The following A2M variants were observed in gnomAD, a reference collection of about 807,000 sequenced individuals.
A2M encodes C3 and PZP-like alpha-2-macroglobulin domain-containing protein 5.
A neutral mutation model predicts 183.9 loss-of-function variants in A2M; 128 were observed. The observed-to-expected ratio is 0.70, with a 90% CI of 0.60 to 0.81. The LOEUF is 0.81. Ranked by LOEUF, A2M falls within the 30% of genes least tolerant of loss-of-function variation. A2M has a pLI of 0.00. For missense variants in A2M, 1,495 were observed against 1,787.6 expected, an observed-to-expected ratio of 0.84 and a Z score of 2.95; for synonymous variants, 592 against 670.8, an observed-to-expected ratio of 0.88 and a Z score of 1.81.
At chr12:9,104,011 G>A (rs915566141) in intron 11 of A2M, among the ~76,000 whole-genome samples, 12 of 152,090 alleles carry the variant, frequency 7.9e-5, no homozygotes, top group African/African-American at 1.7e-4. Flanking sequence ...TAGTGGCTCC[G>A]CCATTTTACG....
Position 9,091,207 on chromosome 12 carries a change from G to A in A2M, c.2463C>T (p.Cys821=), listed in dbSNP as rs745420167. The A allele has an allele frequency of 6.2e-7, 1 of 1,613,502 alleles. No homozygotes were observed. Among genetic ancestry groups the A allele is most frequent in the Admixed American group, 1.7e-5 (1 of 60,022 alleles). ...TTAGGAAAGAGATCCTTACCCGGAT[G>A]CATTTGGGAAGGTAGTTTAGGACCG... ...KATVLNYLPK[C]IRVSVQLEAS... is the part of the protein sequence containing the mutation. The change falls in exon 19 of 36, where the codon TGC becomes TGT. Residue 821 remains cysteine (C), a synonymous_variant. Transcript: ENST00000318602.
intron 15 of A2M, among the ~76,000 whole-genome samples, chr12:9,096,387 G>T (rs185597106): frequency 4.7e-4 from 72 of 152,262 alleles, no homozygotes; most frequent in Non-Finnish European, 8.5e-4. Context: ...AGAAGGAAAT[G>T]ATAGTTTTGT....
chr12:9,095,551 G>A lies in A2M; in HGVS notation c.2001C>T (p.Tyr667=). ...PVSSTNEKDM[Y]SFLEDMGLKA... is the part of the protein sequence containing the mutation. ...ATAAGGAGTTTACCTCTAGGAAGCT[G>A]TACATATCCTTTTCATTTGTACTTG... Residue 667 remains tyrosine (Y), a synonymous_variant, in exon 16 of 36, where the codon TAC becomes TAT. Coordinates refer to ENST00000318602, the MANE Select transcript of A2M (RefSeq NM_000014.6). 1.3e-5 allele frequency: 21 copies of A among 1,611,736 alleles called. No individual in the cohort carries two copies. The highest frequency in any genetic ancestry group is 1.8e-5 in the Non-Finnish European group (21 of 1,178,248).
chr12:9,074,680 C>A lies in A2M; in HGVS notation c.3636G>T (p.Val1212=). ...PSAEVEMTSY[V]LLAYLTAQPA... is the part of the protein sequence containing the mutation. ...GCTGGGCCGTGAGATAAGCGAGGAGCACATAGGATGTCATCTCCACCTCAG... is the reference window on the plus strand; with the variant it reads ...GCTGGGCCGTGAGATAAGCGAGGAGAACATAGGATGTCATCTCCACCTCAG... The change falls in exon 29 of 36, where the codon GTG becomes GTT. Residue 1212 remains valine (V), a synonymous_variant. Transcript: ENST00000318602. The A allele has an allele frequency of 6.2e-7, 1 of 1,613,948 alleles. No homozygotes were observed. The highest frequency in any genetic ancestry group is 8.5e-7 in the Non-Finnish European group (1 of 1,179,966).
At chr12:9,094,887 T>C (rs1451783132) in intron 17 of A2M, 86 bp downstream of exon 17, 1 of 658,566 alleles carries the variant, frequency 1.5e-6, no homozygotes, top group Non-Finnish European at 2.3e-6. Flanking sequence ...TTTTTGTTTG[T>C]TAATTTTTGT....
Position 9,113,456 on chromosome 12 carries a change from C to T in A2M, c.174G>A (p.Val58=), listed in dbSNP as rs2137991418. 1 of 1,613,932 alleles carries T rather than the reference C, an allele frequency of 6.2e-7. No individual in the cohort carries two copies. Among genetic ancestry groups the T allele is most frequent in the South Asian group, 1.1e-5 (1 of 91,052 alleles). The change falls in exon 2 of 36, where the codon GTG becomes GTA. Residue 58 remains valine (V), a synonymous_variant. Coordinates refer to ENST00000318602, the MANE Select transcript of A2M (RefSeq NM_000014.6). The part of the protein sequence containing the change: ...CVLLSYLNET[V]TVSASLESVR... ...CAGACTCCAAGGAAGCACTTACAGTCACTGTCTCATTCAGGTAGCTCAGAA... is the reference window on the plus strand; with the variant it reads ...CAGACTCCAAGGAAGCACTTACAGTTACTGTCTCATTCAGGTAGCTCAGAA...
At chr12:9,067,918 G>A (rs1041466676) in intron 35 of A2M, 79 bp from the exon 36 acceptor site, 5 of 1,350,458 alleles carry the variant, frequency 3.7e-6, no homozygotes, top group South Asian at 3.7e-5. Context: ...TTAGTTCTGG[G>A]TAGCATAGTG....
chr12:9,070,564 C>T lies in A2M; in HGVS notation c.4118G>A (p.Arg1373His), dbSNP rs201692842. The T allele has an allele frequency of 3.4e-5, 55 of 1,613,032 alleles. No homozygotes were observed. In the Admixed American group the frequency reaches 7.0e-4, roughly 21 times the overall value. ...ISLSVSYTGSRSASNMAIVDV... is the reference protein window; with the variant it reads ...ISLSVSYTGSHSASNMAIVDV... ...AACGATCGCCATGTTGGAGGCAGAG[C>T]GGCTCCCTGTGTAACTGAGGATCCA... Residue 1373 changes from arginine to histidine, a missense_variant, in exon 32 of 36, where the codon CGC becomes CAC. Coordinates refer to ENST00000318602, the MANE Select transcript of A2M (RefSeq NM_000014.6).
At chr12:9,085,877 A>G (rs908955446) in intron 22 of A2M, among the ~76,000 whole-genome samples, 3 of 152,208 alleles carry the variant, frequency 2.0e-5, no homozygotes. Context: ...GTATACACCA[A>G]TAAATTGGAT....
intron 15 of A2M, among the ~76,000 whole-genome samples, chr12:9,096,452 G>A (rs1949384048): frequency 6.6e-6 from 1 of 152,206 alleles, no homozygotes; most frequent in Non-Finnish European, 1.5e-5. Flanking sequence ...ATGGGTGCAT[G>A]TTCTAAACAG....
chr12:9,106,415 C>A (rs1424681219), intron 9 of A2M, 70 bp from the exon 10 acceptor site: 1 of 1,431,834 alleles, frequency 7.0e-7, no homozygotes, highest in Non-Finnish European at 9.8e-7. Flanking sequence ...CACCTCCCCC[C>A]AACTTACAAT....
intron 22 of A2M, among the ~76,000 whole-genome samples, chr12:9,083,984 T>C (rs1399497417): frequency 1.3e-5 from 2 of 152,100 alleles, no homozygotes; most frequent in African/African-American, 4.8e-5. Context: ...TATCCATGGA[T>C]TTTTAGCAGT....
chr12:9,089,386 T>G, intron 21 of A2M, 135 bp from the exon 22 acceptor site: 1 of 689,824 alleles, frequency 1.4e-6, no homozygotes. Context: ...TCTGTACATA[T>G]AAGCAATATA....
chr12:9,068,861 T>C lies in A2M; in HGVS notation c.4264-19A>G. 1 of 1,537,194 alleles carries C rather than the reference T, an allele frequency of 6.5e-7. No individual in the cohort carries two copies. The highest frequency in any genetic ancestry group is 8.8e-7 in the Non-Finnish European group (1 of 1,130,838). On this transcript the variant is annotated intron_variant, in intron 33 of 35. Coordinates refer to ENST00000318602, the MANE Select transcript of A2M (RefSeq NM_000014.6). ...TTGACACCTGGAAAGCAAAAGTCAA[T>C]TAAATGACCTTTCAGGAAGCTTTCT...
At chr12:9,067,959 A>G in intron 35 of A2M, 120 bp from the exon 36 acceptor site, 1 of 1,078,638 alleles carries the variant, frequency 9.3e-7, no homozygotes. Flanking sequence ...ACAGTGGGAA[A>G]CCAAATCTAT....
intron 35 of A2M, 160 bp from the exon 36 acceptor site, chr12:9,067,999 G>A: frequency 1.0e-6 from 1 of 961,570 alleles, no homozygotes; most frequent in South Asian, 1.5e-5. Context: ...GCAATCCTAT[G>A]GACTCTCTGA....
In A2M at chr12:9,104,092, T is replaced by TA. The variant is rs372914653; in HGVS notation, c.1266+146dup. The TA allele has an allele frequency of 5.7e-5, 46 of 805,466 alleles. No homozygotes were observed. The South Asian group carries it at 7.6e-4, about 13-fold the overall frequency. 49.9% of individuals were successfully genotyped at this position (805,466 alleles called of 1,614,324 possible). A position where few individuals can be genotyped will look rare whatever the true frequency, so the allele number is the denominator to read the frequency against. ...TATACTGCCTTCTTTTCATAAACTT[T>TA]AAAAAAGTTAACCTTCAATCGGTTT... On this transcript the variant is annotated intron_variant, in intron 11 of 35. Transcript: ENST00000318602.
chr12:9,081,413 G>T (rs7965790), intron 22 of A2M, among the ~76,000 whole-genome samples: 83,761 of 152,030 alleles, frequency 0.55, 24,645 homozygotes, highest in African/African-American at 0.75. Context: ...GAGGATTTTC[G>T]TTTTGTAGTT....
At chr12:9,095,983 T>C (rs1400528594) in intron 15 of A2M, among the ~76,000 whole-genome samples, 2 of 151,580 alleles carry the variant, frequency 1.3e-5, no homozygotes, top group Non-Finnish European at 2.9e-5. Flanking sequence ...ATGGTCTCGA[T>C]CTCCTGACCT....
Sources: gnomAD v4.1 joint callset for allele counts (sites outside exome capture counted in the v4.1 genomes callset) on GRCh38, gnomAD v4.1.1 for gene constraint, MANE v1.5 for transcripts, NCBI Gene and HGNC (gene_info 2026-07-23, HGNC 2026-07-21) for gene names.